The following TRIM33 variants were observed in gnomAD, a reference collection of about 807,000 sequenced individuals.
TRIM33 encodes E3 ubiquitin-protein ligase TRIM33.
TRIM33 carries 20 observed loss-of-function variants against 125.4 expected under a neutral mutation model. The observed-to-expected ratio is 0.16, with a 90% CI of 0.11 to 0.23. The LOEUF is 0.23. Among genes scored for constraint, TRIM33 ranks in the 10% least tolerant of loss-of-function variants. The pLI is 1.00. For synonymous variants in TRIM33, 564 were observed against 513.9 expected, an observed-to-expected ratio of 1.10 and a Z score of -1.32; for missense variants, 920 against 1,411.4, an observed-to-expected ratio of 0.65 and a Z score of 5.58.
In TRIM33 at chr1:114,407,115, CAAAT is replaced by C. The variant is rs759337053; in HGVS notation, c.2259-19_2259-16del. 5 of 1,603,156 alleles carry C rather than the reference CAAAT, an allele frequency of 3.1e-6. No individual in the cohort carries two copies. In the African/African-American group the frequency reaches 6.7e-5, roughly 22 times the overall value. On this transcript the variant is annotated splice_polypyrimidine_tract_variant and intron_variant, in intron 13 of 19. Transcript: ENST00000358465. ...ATGACCCACAGCTAATAAGAAACAA[CAAAT>C]AAAGATCACATACGTTTGACTATAT... is the stretch of plus-strand genomic sequence containing the variant.
chr1:114,479,972 G>A (rs944496228), intron 1 of TRIM33, among the ~76,000 whole-genome samples: 2 of 152,180 alleles, frequency 1.3e-5, no homozygotes, highest in African/African-American at 2.4e-5. Flanking sequence ...CACCCCGTCT[G>A]GGAGGTGTAC....
rs142739038 is a variant in TRIM33 at position 114,403,425 on chromosome 1, C to A, written c.2769-542G>T. ...TCTCCCCCTTGCCCAGGCTGGAGGG[C>A]AGTGGCATAATCTTGGTTCACTGCA... is the stretch of plus-strand genomic sequence containing the variant. On this transcript the variant is annotated intron_variant, in intron 15 of 19. Transcript: ENST00000358465. Among the ~76,000 whole-genome samples the A allele has an allele frequency of 3.0e-3, 450 of 152,280 alleles. 4 individuals carry two copies. The highest frequency in any genetic ancestry group is 0.01 in the African/African-American group (425 of 41,570).
intron 1 of TRIM33, among the ~76,000 whole-genome samples, chr1:114,476,503 C>A (rs796268494): frequency 1.3e-5 from 2 of 149,114 alleles, no homozygotes; most frequent in African/African-American, 5.1e-5. Flanking sequence ...TTTAAAAAAA[C>A]AGAAGTATGA....
chr1:114,411,215 G>GTTT (rs112830567), intron 11 of TRIM33, among the ~76,000 whole-genome samples: 1 of 146,860 alleles, frequency 6.8e-6, no homozygotes. Flanking sequence ...TAATTTTTGT[G>GTTT]TTTTTTTTTT....
chr1:114,473,642 T>C (rs1366506198), intron 1 of TRIM33, among the ~76,000 whole-genome samples: 3 of 152,022 alleles, frequency 2.0e-5, no homozygotes. Flanking sequence ...TCGAAAAAGA[T>C]TGCTTTATGA....
intron 1 of TRIM33, among the ~76,000 whole-genome samples, chr1:114,486,703 A>T (rs533231142): frequency 6.6e-6 from 1 of 152,246 alleles, no homozygotes; most frequent in South Asian, 2.1e-4. Flanking sequence ...CAGTCTCAAG[A>T]ACCTGTGGAA....
intron 12 of TRIM33, 97 bp from the exon 13 acceptor site, chr1:114,408,837 A>C: frequency 1.2e-6 from 1 of 845,524 alleles, no homozygotes; most frequent in Non-Finnish European, 1.8e-6. Flanking sequence ...TAACCCAGCT[A>C]AAAAATTATT....
At chr1:114,490,711 A>C (rs769510803) in intron 1 of TRIM33, 26 of 152,230 alleles carry the variant, frequency 1.7e-4, no homozygotes, top group Middle Eastern at 3.2e-3. Context: ...AGGCCTAAAA[A>C]TAGTGAAGTA....
At chr1:114,431,117 A>G (rs1016543489) in intron 5 of TRIM33, among the ~76,000 whole-genome samples, 1 of 152,254 alleles carries the variant, frequency 6.6e-6, no homozygotes, top group Admixed American at 6.5e-5. Flanking sequence ...ACTAATATTT[A>G]GTAATTTTAA....
At chr1:114,404,246 T>C (rs1481677059) in intron 15 of TRIM33, 1 of 151,960 alleles carries the variant, frequency 6.6e-6, no homozygotes, top group Non-Finnish European at 1.5e-5. Flanking sequence ...GCAATTCTCC[T>C]GGCTCAGCTC....
intron 1 of TRIM33, among the ~76,000 whole-genome samples, chr1:114,486,631 C>T (rs1651715808): frequency 6.8e-6 from 1 of 147,318 alleles, no homozygotes; most frequent in Non-Finnish European, 1.5e-5. Context: ...TAACAGGCAA[C>T]AGAATAACTG....
intron 1 of TRIM33, among the ~76,000 whole-genome samples, chr1:114,481,352 G>C (rs996420254): frequency 2.6e-5 from 4 of 152,060 alleles, no homozygotes; most frequent in African/African-American, 9.7e-5. Context: ...CTAGCACTTT[G>C]GGAAGCCAAG....
At chr1:114,480,172 A>C (rs1437061692) in intron 1 of TRIM33, among the ~76,000 whole-genome samples, 1 of 152,084 alleles carries the variant, frequency 6.6e-6, no homozygotes, top group Non-Finnish European at 1.5e-5. Flanking sequence ...TTGATCTATG[A>C]CCTTGCCCCC....
chr1:114,481,461 C>T (rs894159621), intron 1 of TRIM33, among the ~76,000 whole-genome samples: 2 of 151,440 alleles, frequency 1.3e-5, no homozygotes, highest in Admixed American at 6.6e-5. Context: ...TGCGGTGGCA[C>T]ACGCCTATAA....
chr1:114,489,054 GTTGT>G (rs969489651), intron 1 of TRIM33, among the ~76,000 whole-genome samples: 5 of 152,090 alleles, frequency 3.3e-5, no homozygotes, highest in African/African-American at 9.6e-5. Context: ...TGTTTTTGTT[GTTGT>G]TTAATTTTGT....
chr1:114,417,533 C>T (rs779610620), intron 11 of TRIM33, among the ~76,000 whole-genome samples: 3 of 152,136 alleles, frequency 2.0e-5, no homozygotes, highest in South Asian at 2.1e-4. Flanking sequence ...GCTGTCAATA[C>T]CATGTGTTTC....
At chr1:114,402,149 G>A (rs1397778234) in intron 16 of TRIM33, among the ~76,000 whole-genome samples, 3 of 152,010 alleles carry the variant, frequency 2.0e-5, no homozygotes, top group Admixed American at 6.6e-5. Flanking sequence ...AGGCCAGATT[G>A]GTAAAAATCT....
At chr1:114,438,332 AT>A (rs1401142552) in intron 4 of TRIM33, among the ~76,000 whole-genome samples, 6 of 152,088 alleles carry the variant, frequency 3.9e-5, no homozygotes, top group African/African-American at 4.8e-5. Flanking sequence ...CAGTTATTCC[AT>A]TTTTTTAAAT....
Position 114,510,998 on chromosome 1 carries a change from C to G in TRIM33, c.79G>C (p.Ala27Pro), listed in dbSNP as rs1570700655. 1.5e-6 allele frequency: 2 copies of G among 1,328,644 alleles called. No homozygotes were observed. Among genetic ancestry groups the G allele is most frequent in the Non-Finnish European group, 9.6e-7 (1 of 1,041,800 alleles). The allele number at this position is 1,328,644 out of a possible 1,614,324, so 82.3% of individuals were successfully genotyped here. The change falls in exon 1 of 20, where the codon GCC becomes CCC. Residue 27 changes from alanine to proline, a missense_variant. Physicochemically the swap from Ala to Pro is conservative, Grantham distance 27. This residue lies in a region of TRIM33 where 233 missense variants were observed against 189.6 expected (regional missense o/e 1.23). Coordinates refer to ENST00000358465, the MANE Select transcript of TRIM33 (RefSeq NM_015906.4). ...SGSAPVTAGA[A>P]GPAAQEAEPP... ...TCCGCCTCCTGCGCGGCGGGCCCGG[C>G]GGCCCCGGCAGTTACCGGCGCGCTG... is the stretch of plus-strand genomic sequence containing the variant.
Sources: gnomAD v4.1 joint callset for allele counts (sites outside exome capture counted in the v4.1 genomes callset) on GRCh38, gnomAD v4.1.1 for gene constraint, gnomAD v4.1.1 regional missense constraint, MANE v1.5 for transcripts, NCBI Gene and HGNC (gene_info 2026-07-23, HGNC 2026-07-21) for gene names.